Variants in NUAK1 observed in about 807,000 individuals in gnomAD.
NUAK1 encodes NUAK family SNF1-like kinase 1.
A neutral mutation model predicts 56.9 loss-of-function variants in NUAK1; 26 were observed. The observed-to-expected ratio is 0.46, with a 90% CI of 0.33 to 0.63. NUAK1 has a LOEUF of 0.63. NUAK1 is among the 30% of genes least tolerant of loss of function. The probability of loss-of-function intolerance (pLI) is 0.02; values close to 1 mark genes in which losing one functional copy is unlikely to be tolerated. For synonymous variants in NUAK1, 337 were observed against 336.0 expected, an observed-to-expected ratio of 1.00 and a Z score of -0.03; for missense variants, 727 against 876.1, an observed-to-expected ratio of 0.83 and a Z score of 2.15.
At chr12:106,103,769 T>A (rs1322029370) in intron 2 of NUAK1, among the ~76,000 whole-genome samples, 1 of 152,198 alleles carries the variant, frequency 6.6e-6, no homozygotes, top group Non-Finnish European at 1.5e-5. Flanking sequence ...TGGGGACAGT[T>A]ACCCTCATGC....
At chr12:106,078,744 T>C (rs1222058287) in intron 4 of NUAK1, among the ~76,000 whole-genome samples, 1 of 152,152 alleles carries the variant, frequency 6.6e-6, no homozygotes, top group African/African-American at 2.4e-5. Context: ...AGGAACAATG[T>C]GAGGAGGCTC....
At chr12:106,084,077 G>A in intron 3 of NUAK1, 148 bp from the exon 4 acceptor site, 1 of 670,096 alleles carries the variant, frequency 1.5e-6, no homozygotes, top group Non-Finnish European at 2.6e-6. Context: ...CATCCTTCAG[G>A]CTGCTCTCAC....
chr12:106,125,983 TTA>T (rs1467922311), intron 1 of NUAK1, among the ~76,000 whole-genome samples: 1 of 152,106 alleles, frequency 6.6e-6, no homozygotes, highest in Non-Finnish European at 1.5e-5. Context: ...CACAAGGTAA[TTA>T]TCTTGCCTCA....
intron 2 of NUAK1, among the ~76,000 whole-genome samples, chr12:106,100,776 G>A (rs576887892): frequency 6.6e-6 from 1 of 152,246 alleles, no homozygotes; most frequent in East Asian, 1.9e-4. Context: ...AAACATACAG[G>A]GTTAGGCACA....
In NUAK1 at chr12:106,130,261, C is replaced by T. The variant is rs117382693; in HGVS notation, c.240+8153G>A. Among the ~76,000 whole-genome samples, 145 of 152,306 alleles carry T rather than the reference C, an allele frequency of 9.5e-4. 4 individuals are homozygous for T. The East Asian group carries it at 0.023, about 24-fold the overall frequency. Reference sequence around the variant, plus strand: ...CCTCCCCAAGTCCTGGGACTGCAGGCGTGAACCACCGTGCCCAGCCTCGAC... The same window carrying T: ...CCTCCCCAAGTCCTGGGACTGCAGGTGTGAACCACCGTGCCCAGCCTCGAC... On this transcript the variant is annotated intron_variant, in intron 1 of 6. Coordinates refer to ENST00000261402, the MANE Select transcript of NUAK1 (RefSeq NM_014840.3).
chr12:106,090,320 C>A (rs1592852627), intron 2 of NUAK1, among the ~76,000 whole-genome samples: 1 of 152,086 alleles, frequency 6.6e-6, no homozygotes, highest in East Asian at 1.9e-4. Context: ...TAATTGAGAG[C>A]AAAGAAGATT....
chr12:106,075,819 G>A (rs1475522524), intron 4 of NUAK1, among the ~76,000 whole-genome samples: 2 of 152,254 alleles, frequency 1.3e-5, no homozygotes, highest in East Asian at 3.8e-4. Context: ...GGGCACTGGT[G>A]TGTCTTCAGT....
At chr12:106,121,764 TG>T (rs990314719) in intron 1 of NUAK1, among the ~76,000 whole-genome samples, 1 of 145,128 alleles carries the variant, frequency 6.9e-6, no homozygotes, top group Middle Eastern at 3.2e-3. Context: ...AAAAAAAAGG[TG>T]GGGGGGTGTG....
chr12:106,127,593 C>A (rs568988171), intron 1 of NUAK1, among the ~76,000 whole-genome samples: 2 of 152,128 alleles, frequency 1.3e-5, no homozygotes, highest in Non-Finnish European at 2.9e-5. Context: ...GCAGGGAAGG[C>A]GAGCAGACCT....
intron 1 of NUAK1, among the ~76,000 whole-genome samples, chr12:106,125,417 C>T (rs2033016822): frequency 6.6e-6 from 1 of 152,216 alleles, no homozygotes; most frequent in South Asian, 2.1e-4. Flanking sequence ...ACCCTGAAGT[C>T]AGACGGTCCA....
chr12:106,106,591 G>A, intron 1 of NUAK1, 66 bp from the exon 2 acceptor site: 1 of 1,519,228 alleles, frequency 6.6e-7, no homozygotes, highest in Non-Finnish European at 8.9e-7. Context: ...CATTGGGGGA[G>A]TTTGGAAAAT....
In NUAK1 at chr12:106,074,644, C is replaced by A. The variant is rs539279670; in HGVS notation, c.580-1801G>T. ...AGCCCCTGTAGGTTTCCATCATTCT[C>A]CAAGCTGATTTCCATTTGAGGCTTG... On this transcript the variant is annotated intron_variant, in intron 4 of 6. Coordinates refer to ENST00000261402, the MANE Select transcript of NUAK1 (RefSeq NM_014840.3). Among the ~76,000 whole-genome samples, 3 of 152,288 alleles carry A rather than the reference C, an allele frequency of 2.0e-5. No homozygotes were observed. The East Asian group carries it at 5.8e-4, about 29-fold the overall frequency.
chr12:106,086,745 A>G lies in NUAK1; in HGVS notation c.502T>C (p.Tyr168His). 3 of 1,612,496 alleles carry G rather than the reference A, an allele frequency of 1.9e-6. No homozygotes were observed. The East Asian group carries it at 6.7e-5, about 36-fold the overall frequency. Residue 168 changes from tyrosine (Y) to histidine (H), a missense_variant, in exon 3 of 7, where the codon TAT (tyrosine) becomes CAT (histidine). Coordinates refer to ENST00000261402, the MANE Select transcript of NUAK1 (RefSeq NM_014840.3). The stretch of plus-strand genomic sequence containing the variant: ...AGGCGCAGCCATACCTTGTGACAAT[A>G]GTGCACAGCAGAGACGATCTGCCGG... The part of the protein sequence containing the change: ...FFRQIVSAVH[Y>H]CHKNGVVHRD...
intron 4 of NUAK1, among the ~76,000 whole-genome samples, chr12:106,074,690 C>A (rs1407575251): frequency 6.6e-6 from 1 of 152,158 alleles, no homozygotes; most frequent in Non-Finnish European, 1.5e-5. Flanking sequence ...GCATGATTCA[C>A]ATGCCCAGAG....
Position 106,138,504 on chromosome 12 carries a change from G to C in NUAK1, c.150C>G (p.Asn50Lys). Residue 50 changes from asparagine to lysine, a missense_variant, in exon 1 of 7, where the codon AAC becomes AAG. Transcript: ENST00000261402. The surrounding 1 kb of genome is among the most constrained non-coding windows in gnomAD (Gnocchi z 5.0). ...CCTGCAGCTCGTAGCGGTGCTTCAAGTTGTGCTTGTGGTGATGCCGCTTCA... is the reference window on the plus strand; with the variant it reads ...CCTGCAGCTCGTAGCGGTGCTTCAACTTGTGCTTGTGGTGATGCCGCTTCA... ...HGVKRHHHKH[N>K]LKHRYELQET... 4 of 1,613,470 alleles carry C rather than the reference G, an allele frequency of 2.5e-6. No homozygotes were observed. Among genetic ancestry groups the C allele is most frequent in the Non-Finnish European group, 3.4e-6 (4 of 1,179,830 alleles).
intron 2 of NUAK1, among the ~76,000 whole-genome samples, chr12:106,093,869 G>C (rs2032663365): frequency 6.6e-6 from 1 of 152,200 alleles, no homozygotes; most frequent in Non-Finnish European, 1.5e-5. Flanking sequence ...CAAGATCTCA[G>C]CTCACTGCAA....
Position 106,138,381 on chromosome 12 carries a change from GC to G in NUAK1, c.240+32del. The G allele has an allele frequency of 6.4e-7, 1 of 1,566,940 alleles. No individual in the cohort carries two copies. On this transcript the variant is annotated intron_variant, in intron 1 of 6. Coordinates refer to ENST00000261402, the MANE Select transcript of NUAK1 (RefSeq NM_014840.3). This position sits in a 1 kb window ranked among gnomAD's most constrained non-coding sequence, Gnocchi z 5.0. ...CAGTCCCCGGCCGCGTCCACCCAGC[GC>G]CCCCCGCACCCTCCAGGATTGCCCC... is the stretch of plus-strand genomic sequence containing the variant.
chr12:106,132,053 A>G (rs2033083388), intron 1 of NUAK1, among the ~76,000 whole-genome samples: 1 of 152,208 alleles, frequency 6.6e-6, no homozygotes, highest in South Asian at 2.1e-4. Flanking sequence ...GACAAATGAG[A>G]CTTCTGCTGT....
chr12:106,128,134 CTTTT>C (rs1399268734), intron 1 of NUAK1, among the ~76,000 whole-genome samples: 11 of 136,674 alleles, frequency 8.0e-5, no homozygotes, highest in Non-Finnish European at 1.4e-4. Flanking sequence ...TTTTCTTTTT[CTTTT>C]TTTTTTTTTT....
Sources: allele counts gnomAD v4.1 joint callset (sites outside exome capture counted in the v4.1 genomes callset), GRCh38; gene constraint gnomAD v4.1.1; non-coding constraint Gnocchi (gnomAD v3.1); transcripts MANE v1.5; gene names NCBI Gene and HGNC (gene_info 2026-07-23, HGNC 2026-07-21).